Variants in C10orf88 observed in about 807,000 individuals in gnomAD.
C10orf88 encodes the protein chromosome 10 open reading frame 88.
Under a neutral mutation model 34.2 loss-of-function variants are expected in C10orf88, and 29 were observed. The observed-to-expected ratio is 0.85, with a 90% CI of 0.63 to 1.16. The LOEUF is 1.16. Ranked by LOEUF, C10orf88 falls within the 50% of genes most tolerant of loss-of-function variation. C10orf88 has a pLI of 0.00. For synonymous variants in C10orf88, 194 were observed against 197.4 expected, an observed-to-expected ratio of 0.98 and a Z score of 0.15; for missense variants, 507 against 533.2, an observed-to-expected ratio of 0.95 and a Z score of 0.48.
chr10:122,941,099 A>G (rs1273148761), intron 4 of C10orf88, among the ~76,000 whole-genome samples: 1 of 152,106 alleles, frequency 6.6e-6, no homozygotes, highest in Non-Finnish European at 1.5e-5. Flanking sequence ...TTAAATAATA[A>G]AGTCATTTTT....
chr10:122,932,919 C>T (rs188082042), intron 5 of C10orf88, among the ~76,000 whole-genome samples: 1 of 152,264 alleles, frequency 6.6e-6, no homozygotes, highest in African/African-American at 2.4e-5. Flanking sequence ...AAGAGCAAGT[C>T]TTTAGAAAGG....
chr10:122,937,946 A>G lies in C10orf88; in HGVS notation c.862T>C (p.Ser288Pro). The G allele has an allele frequency of 6.2e-7, 1 of 1,613,444 alleles. No individual in the cohort carries two copies. The change falls in exon 5 of 6, where the codon TCT becomes CCT. Residue 288 changes from serine (S) to proline (P), a missense_variant. Physicochemically the swap from Ser to Pro is moderately conservative, Grantham distance 74. Transcript: ENST00000481909. Reference sequence around the variant, plus strand: ...ACTTTACACTCATCAAGCTTGGTAGAATTCTCTCCACCAGGCAGTTGTGTA... The same window carrying G: ...ACTTTACACTCATCAAGCTTGGTAGGATTCTCTCCACCAGGCAGTTGTGTA... ...KSTQLPGGEN[S>P]TKLDECKVMP... is the part of the protein sequence containing the mutation.
rs536779048 is a variant in C10orf88, at chr10:122,949,912, A to T, written c.442-1057T>A. 2.6e-5 allele frequency among the ~76,000 whole-genome samples: 4 copies of T among 152,378 alleles called. No individual in the cohort carries two copies. The South Asian group carries it at 8.3e-4, about 32-fold the overall frequency. The stretch of plus-strand genomic sequence containing the variant: ...ATATAGCTTGCTGGATTACACATAG[A>T]AATGATGACTTCAAGGGTGATTTTT... On this transcript the variant is annotated intron_variant, in intron 3 of 5. Transcript: ENST00000481909.
At chr10:122,950,832 T>C (rs947167191) in intron 3 of C10orf88, among the ~76,000 whole-genome samples, 1 of 152,248 alleles carries the variant, frequency 6.6e-6, no homozygotes, top group Non-Finnish European at 1.5e-5. Flanking sequence ...AGAAGCTATT[T>C]AATATATACT....
chr10:122,953,180 C>T, intron 1 of C10orf88, 148 bp from the exon 2 acceptor site: 1 of 658,028 alleles, frequency 1.5e-6, no homozygotes, highest in Non-Finnish European at 2.6e-6. Flanking sequence ...CGGGTTCACG[C>T]CATTCTCCTG....
chr10:122,954,134 C>T lies in C10orf88; in HGVS notation c.45G>A (p.Thr15=). 2 of 1,585,698 alleles carry T rather than the reference C, an allele frequency of 1.3e-6. No homozygotes were observed. The highest frequency in any genetic ancestry group is 1.7e-6 in the Non-Finnish European group (2 of 1,169,968). ...CTGCAACATCCCAAGAAGAGGCCAG[C>T]GTGGGGCGGCGGGTGAGGCCCCCGT... ...TEDGGLTRRP[T]LASSWDVAGG... The change falls in exon 1 of 6, where the codon ACG becomes ACA. Residue 15 remains threonine, a synonymous_variant. Transcript: ENST00000481909.
At chr10:122,941,673 GTAA>G (rs1848584103) in intron 4 of C10orf88, among the ~76,000 whole-genome samples, 1 of 152,140 alleles carries the variant, frequency 6.6e-6, no homozygotes, top group South Asian at 2.1e-4. Flanking sequence ...GGTACATCCT[GTAA>G]GAATCACTCC....
intron 4 of C10orf88, 136 bp downstream of exon 4, chr10:122,948,513 T>G: frequency 1.3e-6 from 1 of 792,700 alleles, no homozygotes; most frequent in Admixed American, 3.0e-5. Flanking sequence ...ATCTAACAAA[T>G]GTTAACTTCT....
At chr10:122,941,197 A>T (rs746184008) in intron 4 of C10orf88, among the ~76,000 whole-genome samples, 1 of 152,136 alleles carries the variant, frequency 6.6e-6, no homozygotes, top group Admixed American at 6.6e-5. Flanking sequence ...TTTCATTCAG[A>T]TAACATTAAA....
At chr10:122,947,852 G>A (rs1387581066) in intron 4 of C10orf88, among the ~76,000 whole-genome samples, 4 of 152,094 alleles carry the variant, frequency 2.6e-5, no homozygotes, top group African/African-American at 9.7e-5. Flanking sequence ...TAGCTGTCAA[G>A]TCCCAATGGC....
At chr10:122,952,765 C>A in intron 2 of C10orf88, 64 bp downstream of exon 2, 10 of 1,582,502 alleles carry the variant, frequency 6.3e-6, no homozygotes, top group Non-Finnish European at 8.6e-6. Flanking sequence ...ATAATTATTG[C>A]AAAAAGTGAG....
Position 122,937,780 on chromosome 10 carries a change from T to C in C10orf88, c.1028A>G (p.Asn343Ser), listed in dbSNP as rs748832426. The C allele has an allele frequency of 6.2e-7, 1 of 1,613,066 alleles. No homozygotes were observed. The highest frequency in any genetic ancestry group is 1.3e-5 in the African/African-American group (1 of 74,882). ...PFLQNLCSQV[N>S]HLHVGNKTEC... ...GGTCTTATTTCCCACATGGAGATGA[T>C]TAACTTGACTACATAAATTCTGGAG... The change falls in exon 5 of 6, where the codon AAT becomes AGT. Residue 343 changes from asparagine to serine, a missense_variant. Coordinates refer to ENST00000481909, the MANE Select transcript of C10orf88 (RefSeq NM_024942.4).
intron 5 of C10orf88, among the ~76,000 whole-genome samples, chr10:122,937,080 C>G (rs1303138932): frequency 6.6e-6 from 1 of 151,924 alleles, no homozygotes; most frequent in Non-Finnish European, 1.5e-5. Flanking sequence ...AACAGTGTGG[C>G]AACATGTTTA....
At chr10:122,941,890 C>G (rs1848586729) in intron 4 of C10orf88, among the ~76,000 whole-genome samples, 1 of 151,982 alleles carries the variant, frequency 6.6e-6, no homozygotes, top group Non-Finnish European at 1.5e-5. Context: ...TGGGGGAGAG[C>G]CTTCTGTGTT....
intron 5 of C10orf88, among the ~76,000 whole-genome samples, chr10:122,936,908 G>T (rs529247982): frequency 6.6e-6 from 1 of 151,722 alleles, no homozygotes; most frequent in African/African-American, 2.4e-5. Flanking sequence ...ATCTATCTTT[G>T]CAAATCTTCC....
intron 4 of C10orf88, among the ~76,000 whole-genome samples, chr10:122,940,946 T>A (rs1301590684): frequency 6.6e-6 from 1 of 152,090 alleles, no homozygotes; most frequent in Non-Finnish European, 1.5e-5. Flanking sequence ...TATAACTACA[T>A]ATATTCTGTA....
chr10:122,937,450 G>A (rs1848543531), intron 5 of C10orf88, among the ~76,000 whole-genome samples: 1 of 151,906 alleles, frequency 6.6e-6, no homozygotes. Flanking sequence ...TTCCAACTGT[G>A]AACTAATACT....
In C10orf88 at chr10:122,931,673, A is replaced by T. The variant is rs1334496729; in HGVS notation, c.*754T>A. ...AGCCTCATTATTTCATACAATAAACATGCCAGAAAAGGATTCTGGGGAAAA... is the reference window on the plus strand; with the variant it reads ...AGCCTCATTATTTCATACAATAAACTTGCCAGAAAAGGATTCTGGGGAAAA... On this transcript the variant is annotated 3_prime_UTR_variant, in exon 6 of 6. Transcript: ENST00000481909. 1 of 152,210 alleles carries T rather than the reference A, an allele frequency of 6.6e-6. No homozygotes were observed. Among genetic ancestry groups the T allele is most frequent in the African/African-American group, 2.4e-5 (1 of 41,458 alleles). The allele number at this position is 152,210 out of a possible 1,614,324, so 9.4% of individuals were successfully genotyped here. A position where few individuals can be genotyped will look rare whatever the true frequency, so the allele number is the denominator to read the frequency against.
At chr10:122,948,595 G>T in intron 4 of C10orf88, 54 bp downstream of exon 4, 1 of 1,521,916 alleles carries the variant, frequency 6.6e-7, no homozygotes, top group African/African-American at 1.4e-5. Flanking sequence ...TTTACTAAAA[G>T]CAATGGTTTT....
Sources: gnomAD v4.1 joint callset for allele counts (sites outside exome capture counted in the v4.1 genomes callset) on GRCh38, gnomAD v4.1.1 for gene constraint, MANE v1.5 for transcripts, NCBI Gene and HGNC (gene_info 2026-07-23, HGNC 2026-07-21) for gene names.